GPC6: variants seen among roughly 807,000 people sequenced by gnomAD.
GPC6 encodes the protein glypican 6, also known as glypican-6.
Under a neutral mutation model 55.2 loss-of-function variants are expected in GPC6, and 14 were observed. That is an observed-to-expected ratio of 0.25 (90% confidence interval 0.17 to 0.40). The LOEUF (loss-of-function observed/expected upper bound fraction) is 0.40, where lower values mean the gene tolerates loss of function less well. Among genes scored for constraint, GPC6 ranks in the 10% least tolerant of loss-of-function variants. The pLI is 1.00. For missense variants in GPC6, 641 were observed against 708.5 expected (o/e 0.90, Z 1.08); for synonymous variants, 278 against 259.6 (o/e 1.07, Z -0.68).
chr13:94,390,318 T>C (rs953768778), intron 7 of GPC6, among the ~76,000 whole-genome samples: 4 of 152,156 alleles, frequency 2.6e-5, no homozygotes, highest in Non-Finnish European at 5.9e-5. Context: ...AAATATCCAA[T>C]ATATACCAAG....
At chr13:93,431,619 A>G (rs1030476140) in intron 1 of GPC6, among the ~76,000 whole-genome samples, 1 of 152,096 alleles carries the variant, frequency 6.6e-6, no homozygotes, top group African/African-American at 2.4e-5. Context: ...CAAAACACAC[A>G]CATCCTTAAA....
chr13:93,531,086 G>A (rs1281830151), intron 1 of GPC6, among the ~76,000 whole-genome samples: 1 of 152,020 alleles, frequency 6.6e-6, no homozygotes, highest in African/African-American at 2.4e-5. Flanking sequence ...GGGTTAAATG[G>A]ATAATCATAG....
chr13:93,279,257 A>G (rs1268425489), intron 1 of GPC6, among the ~76,000 whole-genome samples: 1 of 152,172 alleles, frequency 6.6e-6, no homozygotes, highest in Non-Finnish European at 1.5e-5. Context: ...CTGAAGGAGC[A>G]TGTGGATTCA....
intron 2 of GPC6, among the ~76,000 whole-genome samples, chr13:93,703,221 G>A (rs1314824337): frequency 1.3e-5 from 2 of 151,866 alleles, no homozygotes; most frequent in African/African-American, 4.8e-5. Context: ...GAGGGACAGG[G>A]ACAAGGGAAT....
At chr13:94,190,266 A>G (rs1384721997) in intron 4 of GPC6, among the ~76,000 whole-genome samples, 6 of 151,944 alleles carry the variant, frequency 3.9e-5, no homozygotes, top group Non-Finnish European at 5.9e-5. Flanking sequence ...GTTGCAGTGA[A>G]CCAAGATCGT....
chr13:93,999,213 A>G (rs1178487026), intron 3 of GPC6, among the ~76,000 whole-genome samples: 4 of 151,992 alleles, frequency 2.6e-5, no homozygotes, highest in African/African-American at 9.7e-5. Flanking sequence ...CTGGTGTGTG[A>G]TGTTCCCCTC....
chr13:93,329,355 T>C (rs1198052843), intron 1 of GPC6, among the ~76,000 whole-genome samples: 1 of 152,204 alleles, frequency 6.6e-6, no homozygotes, highest in Non-Finnish European at 1.5e-5. Flanking sequence ...CTTTTATAAA[T>C]CACTAATGAA....
Position 93,360,904 on chromosome 13 carries a change from C to G in GPC6, c.160+133288C>G, listed in dbSNP as rs1307495378. 2.0e-5 allele frequency among the ~76,000 whole-genome samples: 3 copies of G among 152,116 alleles called. No homozygotes were observed. The East Asian group carries it at 5.8e-4, about 29-fold the overall frequency. On this transcript the variant is annotated intron_variant, in intron 1 of 8. Transcript: ENST00000377047. Reference sequence around the variant, plus strand: ...GATGTGGAAGCCTTTAACTCCGTGACCCCACTGTGTGGCCAGTGCTTGAGT... The same window carrying G: ...GATGTGGAAGCCTTTAACTCCGTGAGCCCACTGTGTGGCCAGTGCTTGAGT...
intron 2 of GPC6, among the ~76,000 whole-genome samples, chr13:93,613,437 A>G (rs1205863046): frequency 6.6e-6 from 1 of 152,068 alleles, no homozygotes; most frequent in Non-Finnish European, 1.5e-5. Flanking sequence ...ACACAGTGAC[A>G]TTCATTTTAA....
chr13:93,257,314 T>C (rs1422331763), intron 1 of GPC6, among the ~76,000 whole-genome samples: 4 of 152,030 alleles, frequency 2.6e-5, no homozygotes, highest in Non-Finnish European at 5.9e-5. Context: ...AAAAAAATCA[T>C]TGTTATAAAA....
In GPC6 at chr13:93,977,902, G is replaced by A. The variant is rs565245028; in HGVS notation, c.712-49827G>A. On this transcript the variant is annotated intron_variant, in intron 3 of 8. Transcript: ENST00000377047. ...TATTTGCTTTCTCCCTGGGTAATTA[G>A]TGAAATAGAAGGAAAGTAAAGAATG... Among the ~76,000 whole-genome samples the A allele has an allele frequency of 3.3e-5, 5 of 152,308 alleles. No homozygotes were observed. The East Asian group carries it at 9.6e-4, about 29-fold the overall frequency.
At chr13:93,724,203 T>C (rs1234345360) in intron 2 of GPC6, among the ~76,000 whole-genome samples, 2 of 152,118 alleles carry the variant, frequency 1.3e-5, no homozygotes, top group South Asian at 4.1e-4. Flanking sequence ...GGGACAGCAG[T>C]TGCTTATAGT....
intron 6 of GPC6, among the ~76,000 whole-genome samples, chr13:94,343,555 A>G (rs528201537): frequency 6.6e-6 from 1 of 152,348 alleles, no homozygotes; most frequent in Admixed American, 6.5e-5. Flanking sequence ...AGAAAATGAA[A>G]GTCGAAGAGC....
chr13:94,323,297 A>T (rs1347386461), intron 6 of GPC6, among the ~76,000 whole-genome samples: 2 of 152,230 alleles, frequency 1.3e-5, no homozygotes, highest in Non-Finnish European at 2.9e-5. Flanking sequence ...ATTGTGTGCT[A>T]ATTACCTAAT....
chr13:93,285,616 C>CTG (rs754671051), intron 1 of GPC6, among the ~76,000 whole-genome samples: 3,609 of 103,536 alleles, frequency 0.035, 42 homozygotes, highest in African/African-American at 0.043. Context: ...GTATATACTG[C>CTG]TGTGTGTGTG....
At chr13:94,147,693 T>C (rs1887611390) in intron 4 of GPC6, among the ~76,000 whole-genome samples, 1 of 152,082 alleles carries the variant, frequency 6.6e-6, no homozygotes, top group African/African-American at 2.4e-5. Flanking sequence ...CCTGGGCAAG[T>C]CATTTATTCC....
chr13:93,781,160 C>T (rs1341871827), intron 2 of GPC6, among the ~76,000 whole-genome samples: 1 of 151,692 alleles, frequency 6.6e-6, no homozygotes. Context: ...CCTGTAGTCC[C>T]AACTACTCGA....
chr13:93,784,302 T>C (rs1029532456), intron 2 of GPC6, among the ~76,000 whole-genome samples: 13 of 152,198 alleles, frequency 8.5e-5, no homozygotes, highest in Admixed American at 2.6e-4. Context: ...GACATGAATA[T>C]TTCCCTGTAG....
chr13:93,388,983 A>G (rs1165400152), intron 1 of GPC6, among the ~76,000 whole-genome samples: 1 of 152,164 alleles, frequency 6.6e-6, no homozygotes, highest in Non-Finnish European at 1.5e-5. Context: ...TTTTAAAGAA[A>G]TTATAGGACA....
Sources: gnomAD v4.1 joint callset for allele counts (sites outside exome capture counted in the v4.1 genomes callset) on GRCh38, gnomAD v4.1.1 for gene constraint, MANE v1.5 for transcripts, NCBI Gene and HGNC (gene_info 2026-07-23, HGNC 2026-07-21) for gene names.